CFAP299: variants seen among roughly 807,000 people sequenced by gnomAD.
CFAP299 encodes cilia and flagella associated protein 299.
CFAP299 carries 21 observed loss-of-function variants against 27.0 expected under a neutral mutation model. That is an observed-to-expected ratio of 0.78 (90% CI 0.55 to 1.12). CFAP299 has a LOEUF of 1.12. Among genes scored for constraint, CFAP299 ranks in the 50% most tolerant of loss-of-function variants. The pLI, the probability that CFAP299 is intolerant of heterozygous loss-of-function variation, is 0.00. For missense variants in CFAP299, 310 were observed against 276.6 expected, an observed-to-expected ratio of 1.12 and a Z score of -0.86; for synonymous variants, 104 against 98.1, an observed-to-expected ratio of 1.06 and a Z score of -0.36.
intron 4 of CFAP299, among the ~76,000 whole-genome samples, chr4:80,902,581 A>ATC (rs1491259790): frequency 1.5e-5 from 1 of 66,006 alleles, no homozygotes; most frequent in African/African-American, 1.1e-4. Flanking sequence ...TATATATGTA[A>ATC]TATATACACA....
At chr4:80,939,180 C>A (rs1737070111) in intron 4 of CFAP299, among the ~76,000 whole-genome samples, 1 of 152,142 alleles carries the variant, frequency 6.6e-6, no homozygotes, top group Non-Finnish European at 1.5e-5. Flanking sequence ...ATTTGGGAAT[C>A]TTTGTGCATC....
At chr4:80,394,752 T>C (rs544975243) in intron 2 of CFAP299, among the ~76,000 whole-genome samples, 1 of 152,260 alleles carries the variant, frequency 6.6e-6, no homozygotes, top group South Asian at 2.1e-4. Flanking sequence ...TGCATTTTTT[T>C]CTGGGCTTTC....
chr4:80,735,996 A>T (rs1723840711), intron 3 of CFAP299, among the ~76,000 whole-genome samples: 1 of 151,874 alleles, frequency 6.6e-6, no homozygotes, highest in Non-Finnish European at 1.5e-5. Context: ...CAGAAGTTTG[A>T]GTAAGAATGG....
chr4:80,894,583 T>C (rs1734517349), intron 4 of CFAP299, among the ~76,000 whole-genome samples: 1 of 151,910 alleles, frequency 6.6e-6, no homozygotes, highest in Non-Finnish European at 1.5e-5. Flanking sequence ...TTGTGCAATA[T>C]TGGTGGGAAT....
chr4:80,733,724 T>C (rs1723679889), intron 3 of CFAP299, among the ~76,000 whole-genome samples: 1 of 152,152 alleles, frequency 6.6e-6, no homozygotes, highest in Non-Finnish European at 1.5e-5. Flanking sequence ...GATGTTTGCC[T>C]TTCCATGGCT....
intron 2 of CFAP299, among the ~76,000 whole-genome samples, chr4:80,422,508 G>C (rs1290786788): frequency 6.6e-6 from 1 of 152,102 alleles, no homozygotes; most frequent in Non-Finnish European, 1.5e-5. Context: ...ACTTTTTCAA[G>C]TTTCTGCTTT....
At chr4:80,733,779 G>A (rs1723684332) in intron 3 of CFAP299, among the ~76,000 whole-genome samples, 1 of 152,000 alleles carries the variant, frequency 6.6e-6, no homozygotes, top group South Asian at 2.1e-4. Context: ...CATTTATGTT[G>A]TTGCAAATGA....
intron 2 of CFAP299, among the ~76,000 whole-genome samples, chr4:80,370,828 A>G (rs1724108415): frequency 1.3e-5 from 2 of 152,186 alleles, no homozygotes; most frequent in Admixed American, 1.3e-4. Flanking sequence ...CACAGGGTGC[A>G]ACTTTTGGTG....
intron 3 of CFAP299, among the ~76,000 whole-genome samples, chr4:80,638,869 G>A (rs1159326752): frequency 6.6e-6 from 1 of 152,158 alleles, no homozygotes; most frequent in African/African-American, 2.4e-5. Context: ...TTAAACAACA[G>A]AAATTTATTT....
intron 3 of CFAP299, among the ~76,000 whole-genome samples, chr4:80,634,140 G>A (rs762682739): frequency 1.1e-4 from 16 of 151,832 alleles, no homozygotes; most frequent in East Asian, 1.9e-4. Flanking sequence ...GCACCACCAC[G>A]CCCAGCTAAT....
chr4:80,921,422 A>G (rs1422943308), intron 4 of CFAP299, among the ~76,000 whole-genome samples: 1 of 152,080 alleles, frequency 6.6e-6, no homozygotes. Context: ...GCTAATTTTT[A>G]AAGAATGTAT....
At chr4:80,648,092 G>GTTC (rs1740116805) in intron 3 of CFAP299, among the ~76,000 whole-genome samples, 1 of 152,132 alleles carries the variant, frequency 6.6e-6, no homozygotes, top group Non-Finnish European at 1.5e-5. Context: ...AGAAAAGTTA[G>GTTC]TTAATGTTTT....
chr4:80,355,388 C>T (rs563980688), intron 1 of CFAP299, among the ~76,000 whole-genome samples: 11 of 117,622 alleles, frequency 9.4e-5, no homozygotes, highest in Admixed American at 3.6e-4. Flanking sequence ...GACAGAGTCT[C>T]GCTCTGTCAC....
chr4:80,748,274 T>A (rs1281846552), intron 3 of CFAP299, among the ~76,000 whole-genome samples: 2 of 152,166 alleles, frequency 1.3e-5, no homozygotes, highest in Non-Finnish European at 2.9e-5. Flanking sequence ...TTAGTCCTCT[T>A]ACTTTTATTC....
At chr4:80,322,485 C>T in the CFAP299 span, among the ~76,000 whole-genome samples, 1 of 152,140 alleles carries the variant, frequency 6.6e-6, no homozygotes, top group Non-Finnish European at 1.5e-5. Context: ...TGTACAATCC[C>T]TTGCCCTTAG....
At chr4:80,791,708 A>C (rs1727579113) in intron 3 of CFAP299, among the ~76,000 whole-genome samples, 1 of 152,002 alleles carries the variant, frequency 6.6e-6, no homozygotes, top group African/African-American at 2.4e-5. Flanking sequence ...GTCTAGGAAC[A>C]AAGAGCAATG....
At chr4:80,675,253 T>C (rs1200532329) in intron 3 of CFAP299, among the ~76,000 whole-genome samples, 3 of 152,176 alleles carry the variant, frequency 2.0e-5, no homozygotes, top group African/African-American at 7.2e-5. Flanking sequence ...CCTTTCTGTT[T>C]GTTAGTTTTC....
intron 5 of CFAP299, among the ~76,000 whole-genome samples, chr4:80,956,563 C>T (rs1738079378): frequency 6.6e-6 from 1 of 152,084 alleles, no homozygotes; most frequent in South Asian, 2.1e-4. Context: ...GGCACATTTC[C>T]CCTCTCTAGC....
intron 1 of CFAP299, among the ~76,000 whole-genome samples, chr4:80,342,042 A>C (rs977438829): frequency 1.3e-5 from 2 of 152,236 alleles, no homozygotes; most frequent in Non-Finnish European, 2.9e-5. Flanking sequence ...CAATAGCAGA[A>C]TAGACCAACC....
Sources: gnomAD v4.1 joint callset for allele counts (sites outside exome capture counted in the v4.1 genomes callset) on GRCh38, gnomAD v4.1.1 for gene constraint, MANE v1.5 for transcripts, NCBI Gene and HGNC (gene_info 2026-07-23, HGNC 2026-07-21) for gene names.